WWOX: variants seen among roughly 807,000 people sequenced by gnomAD.
The protein encoded by WWOX is WW domain containing oxidoreductase, also known as WW domain-containing oxidoreductase.
In WWOX, 69 loss-of-function variants were observed where a neutral mutation model predicts 46.2. The observed-to-expected ratio is 1.49, with a 90% CI of 1.23 to 1.82. WWOX has a LOEUF of 1.82. Ranked by LOEUF, WWOX falls within the 40% of genes most tolerant of loss-of-function variation. The pLI, the probability that WWOX is intolerant of heterozygous loss-of-function variation, is 0.00. For synonymous variants in WWOX, 359 were observed against 202.6 expected (o/e 1.77, Z -6.56); for missense variants, 919 against 542.6 (o/e 1.69, Z -6.89).
chr16:79,096,761 G>T (rs1029373752), intron 8 of WWOX, among the ~76,000 whole-genome samples: 1 of 152,178 alleles, frequency 6.6e-6, no homozygotes, highest in South Asian at 2.1e-4. Context: ...GTTTATGCCT[G>T]CATCCCCATC....
At chr16:78,419,646 A>AAAAAAAAAAC in intron 6 of WWOX, among the ~76,000 whole-genome samples, 1 of 150,186 alleles carries the variant, frequency 6.7e-6, no homozygotes, top group Non-Finnish European at 1.5e-5. Flanking sequence ...AAAAAAAAAA[A>AAAAAAAAAAC]AAAAGGGTCA....
intron 5 of WWOX, among the ~76,000 whole-genome samples, chr16:78,169,626 G>C (rs2035087417): frequency 6.6e-6 from 1 of 151,966 alleles, no homozygotes; most frequent in Non-Finnish European, 1.5e-5. Context: ...GTTTCTATTA[G>C]ATTTCTAAAT....
At chr16:79,062,488 A>C (rs1004184442) in intron 8 of WWOX, among the ~76,000 whole-genome samples, 1 of 152,130 alleles carries the variant, frequency 6.6e-6, no homozygotes, top group African/African-American at 2.4e-5. Flanking sequence ...TCACAGTGCA[A>C]ACTATGCGAT....
chr16:78,375,075 C>T (rs11645844), intron 5 of WWOX, among the ~76,000 whole-genome samples: 60,343 of 152,106 alleles, frequency 0.4, 15,602 homozygotes, highest in Non-Finnish European at 0.58. Flanking sequence ...TATTTTTTTC[C>T]GAAGCACATT....
At chr16:79,187,932 T>C (rs548467073) in intron 8 of WWOX, among the ~76,000 whole-genome samples, 3 of 152,222 alleles carry the variant, frequency 2.0e-5, no homozygotes, top group Non-Finnish European at 4.4e-5. Context: ...CAGGCATGGA[T>C]GGCAAGGCAC....
chr16:78,820,005 G>A (rs1375612583), intron 8 of WWOX, among the ~76,000 whole-genome samples: 5 of 152,144 alleles, frequency 3.3e-5, no homozygotes, highest in Admixed American at 2.6e-4. Flanking sequence ...GGATGGTAAT[G>A]TGGTGATATG....
intron 5 of WWOX, among the ~76,000 whole-genome samples, chr16:78,252,077 G>A (rs1239244942): frequency 9.9e-5 from 15 of 152,108 alleles, no homozygotes; most frequent in Admixed American, 8.5e-4. Context: ...AGCAAGCACC[G>A]TTTCATTGAC....
chr16:79,001,880 C>G (rs1013307120), intron 8 of WWOX, among the ~76,000 whole-genome samples: 1 of 152,082 alleles, frequency 6.6e-6, no homozygotes, highest in Non-Finnish European at 1.5e-5. Flanking sequence ...GCTTGTCTTT[C>G]TAGAGCAACC....
intron 8 of WWOX, chr16:78,873,349 C>T (rs1295337800): frequency 2.0e-5 from 3 of 152,172 alleles, no homozygotes; most frequent in East Asian, 1.9e-4. Flanking sequence ...CTGGTCATCA[C>T]CCTTCAAGTT....
intron 8 of WWOX, among the ~76,000 whole-genome samples, chr16:78,958,116 G>C (rs1051321119): frequency 1.3e-5 from 2 of 152,068 alleles, no homozygotes; most frequent in East Asian, 1.9e-4. Context: ...TATATTATTT[G>C]GTCCTATTGT....
At chr16:79,136,886 TGTAAAC>T (rs2049991761) in intron 8 of WWOX, among the ~76,000 whole-genome samples, 1 of 152,230 alleles carries the variant, frequency 6.6e-6, no homozygotes, top group African/African-American at 2.4e-5. Flanking sequence ...TGAAATTATG[TGTAAAC>T]TGTCCAACCT....
In WWOX at chr16:78,542,627, G is replaced by C. The variant is rs75995229; in HGVS notation, c.1056+109875G>C. On this transcript the variant is annotated intron_variant, in intron 8 of 8. Transcript: ENST00000566780. ...CGCACAGATCCACACAGGAGGGATT[G>C]CGTAATGCACCCAGCAGAGTTGTGC... 3.2e-3 allele frequency among the ~76,000 whole-genome samples: 488 copies of C among 152,310 alleles called. 3 individuals carry two copies. Among genetic ancestry groups the C allele is most frequent in the African/African-American group, 0.011 (454 of 41,560 alleles).
chr16:78,826,050 T>C, intron 8 of WWOX: 1 of 440,394 alleles, frequency 2.3e-6, no homozygotes, highest in South Asian at 5.8e-5. Flanking sequence ...GATGTTGCTT[T>C]GTAAAGACAT....
At chr16:78,278,553 T>C (rs1361649617) in intron 5 of WWOX, 1 of 1,553,708 alleles carries the variant, frequency 6.4e-7, no homozygotes. Flanking sequence ...AGTTCTATGT[T>C]GTTCTCATAA....
At chr16:78,514,893 A>G (rs2151490911) in intron 8 of WWOX, among the ~76,000 whole-genome samples, 1 of 152,286 alleles carries the variant, frequency 6.6e-6, no homozygotes, top group East Asian at 1.9e-4. Context: ...GTGAAGTTTC[A>G]TATATCAGGT....
At chr16:78,535,935 C>T (rs774448570) in intron 8 of WWOX, among the ~76,000 whole-genome samples, 12 of 152,128 alleles carry the variant, frequency 7.9e-5, no homozygotes, top group Non-Finnish European at 1.2e-4. Context: ...CCGTGAGGTT[C>T]TGCGCACAAA....
At chr16:78,631,795 G>A (rs996447127) in intron 8 of WWOX, among the ~76,000 whole-genome samples, 3 of 152,118 alleles carry the variant, frequency 2.0e-5, no homozygotes, top group Non-Finnish European at 2.9e-5. Flanking sequence ...CAAAGTGTTG[G>A]GATTATAGGT....
chr16:78,791,604 G>A (rs1453793203), intron 8 of WWOX, among the ~76,000 whole-genome samples: 2 of 152,106 alleles, frequency 1.3e-5, no homozygotes, highest in African/African-American at 4.8e-5. Context: ...AGGGCTGGGT[G>A]CGGTGGCTCA....
intron 8 of WWOX, among the ~76,000 whole-genome samples, chr16:78,594,493 A>G (rs2045435058): frequency 8.0e-6 from 1 of 124,244 alleles, no homozygotes; most frequent in Non-Finnish European, 1.6e-5. Flanking sequence ...GCTGGCACAC[A>G]GCTTCCTCTG....
Sources: gnomAD v4.1 joint callset for allele counts (sites outside exome capture counted in the v4.1 genomes callset) on GRCh38, gnomAD v4.1.1 for gene constraint, MANE v1.5 for transcripts, NCBI Gene and HGNC (gene_info 2026-07-23, HGNC 2026-07-21) for gene names.